Variants in TMTC1 observed in about 807,000 individuals in gnomAD.
TMTC1 encodes the protein protein O-mannosyl-transferase TMTC1.
Under a neutral mutation model 104.8 loss-of-function variants are expected in TMTC1, and 73 were observed. The observed-to-expected ratio is 0.70, with a 90% confidence interval of 0.58 to 0.85. The LOEUF (loss-of-function observed/expected upper bound fraction) is 0.85. Ranked by LOEUF, TMTC1 falls within the 40% of genes least tolerant of loss-of-function variation. TMTC1 has a pLI of 0.00. For missense variants in TMTC1, 1,035 were observed against 1,096.1 expected (o/e 0.94, Z 0.79); for synonymous variants, 434 against 428.7 (o/e 1.01, Z -0.15).
chr12:29,588,287 C>G (rs1946193331), intron 7 of TMTC1, among the ~76,000 whole-genome samples: 2 of 152,214 alleles, frequency 1.3e-5, no homozygotes, highest in South Asian at 4.1e-4. Context: ...CCTCTTCTCA[C>G]TTCCACAACT....
chr12:29,734,399 G>A (rs537449613), intron 5 of TMTC1, among the ~76,000 whole-genome samples: 1 of 152,136 alleles, frequency 6.6e-6, no homozygotes, highest in African/African-American at 2.4e-5. Context: ...TAATATGGAT[G>A]AACTCCTGAC....
chr12:29,702,953 C>G (rs188701982), intron 5 of TMTC1, among the ~76,000 whole-genome samples: 5 of 151,974 alleles, frequency 3.3e-5, no homozygotes, highest in Admixed American at 6.5e-5. Context: ...AAGACCAGAC[C>G]GGGCAACATG....
chr12:29,746,993 G>A (rs2136959203), intron 5 of TMTC1, among the ~76,000 whole-genome samples: 1 of 152,246 alleles, frequency 6.6e-6, no homozygotes, highest in East Asian at 1.9e-4. Context: ...ATGAATGAAT[G>A]ATCCATAATA....
intron 16 of TMTC1, among the ~76,000 whole-genome samples, chr12:29,513,279 C>G (rs1943890417): frequency 6.6e-6 from 1 of 152,026 alleles, no homozygotes; most frequent in African/African-American, 2.4e-5. Context: ...GAATCATGCA[C>G]AGAGTGATAA....
intron 5 of TMTC1, among the ~76,000 whole-genome samples, chr12:29,667,465 A>G (rs1940329078): frequency 6.6e-6 from 1 of 152,192 alleles, no homozygotes; most frequent in South Asian, 2.1e-4. Flanking sequence ...TCATATATTA[A>G]ACGGTGAAAA....
chr12:29,560,069 C>T (rs1197091706), intron 9 of TMTC1, among the ~76,000 whole-genome samples: 4 of 152,152 alleles, frequency 2.6e-5, no homozygotes, highest in East Asian at 1.9e-4. Context: ...CTGATCTCTC[C>T]AGGAAGGGAA....
At position 29,660,046 on chromosome 12, in the gene TMTC1, C is replaced by T. The variant is rs989367657; in HGVS notation, c.939-26710G>A. 3 of 1,255,044 alleles carry T rather than the reference C, an allele frequency of 2.4e-6. No homozygotes were observed. The African/African-American group carries it at 4.5e-5, about 19-fold the overall frequency. 77.7% of individuals were successfully genotyped at this position (1,255,044 alleles called of 1,614,324 possible). ...ATAATCTCCACCCTTTTTGCAGGTG[C>T]ATTCTGTTCCTCTAACAGGGAATGA... On this transcript the variant is annotated intron_variant, in intron 5 of 17. Transcript: ENST00000539277.
chr12:29,537,083 G>T (rs902577292), intron 10 of TMTC1, among the ~76,000 whole-genome samples: 2 of 152,200 alleles, frequency 1.3e-5, no homozygotes, highest in East Asian at 1.9e-4. Flanking sequence ...TATCTTTGGG[G>T]CCAAAAATGT....
intron 9 of TMTC1, chr12:29,568,627 AAT>A (rs1403380777): frequency 1.7e-5 from 3 of 179,358 alleles, no homozygotes; most frequent in Non-Finnish European, 3.6e-5. Context: ...TTCAGGGTAA[AAT>A]AAAATACTCA....
intron 10 of TMTC1, among the ~76,000 whole-genome samples, chr12:29,550,454 G>T (rs1293235906): frequency 2.6e-5 from 4 of 152,094 alleles, no homozygotes; most frequent in African/African-American, 4.8e-5. Flanking sequence ...TTAATAGAAG[G>T]CAACTGAGCA....
intron 15 of TMTC1, 139 bp from the exon 16 acceptor site, chr12:29,514,743 G>A: frequency 2.1e-6 from 2 of 939,346 alleles, no homozygotes; most frequent in East Asian, 5.4e-5. Context: ...TCTTGGTCAG[G>A]CGTAGTGGCT....
chr12:29,728,137 C>G (rs942633933), intron 5 of TMTC1, among the ~76,000 whole-genome samples: 4 of 152,166 alleles, frequency 2.6e-5, no homozygotes, highest in African/African-American at 9.7e-5. Flanking sequence ...AATGTAGTAT[C>G]TTAAGCATCA....
At chr12:29,690,881 T>G (rs571242266) in intron 5 of TMTC1, among the ~76,000 whole-genome samples, 11 of 152,318 alleles carry the variant, frequency 7.2e-5, no homozygotes, top group African/African-American at 2.6e-4. Flanking sequence ...AAATTATAAC[T>G]GAGGAAATTA....
chr12:29,734,399 G>T (rs537449613), intron 5 of TMTC1, among the ~76,000 whole-genome samples: 1 of 152,254 alleles, frequency 6.6e-6, no homozygotes, highest in East Asian at 1.9e-4. Flanking sequence ...TAATATGGAT[G>T]AACTCCTGAC....
chr12:29,743,034 T>C (rs896318459), intron 5 of TMTC1, among the ~76,000 whole-genome samples: 8 of 152,234 alleles, frequency 5.3e-5, no homozygotes, highest in African/African-American at 1.9e-4. Context: ...AGTTAAATCC[T>C]AGCACTACCA....
chr12:29,734,514 A>C (rs964577955), intron 5 of TMTC1, among the ~76,000 whole-genome samples: 25 of 152,352 alleles, frequency 1.6e-4, no homozygotes, highest in African/African-American at 5.5e-4. Flanking sequence ...CATAAGCCAG[A>C]CGATCATAAG....
Position 29,560,538 on chromosome 12 carries a change from C to T in TMTC1, c.1533-3538G>A, listed in dbSNP as rs75791356. On this transcript the variant is annotated intron_variant, in intron 9 of 17. Coordinates refer to ENST00000539277, the MANE Select transcript of TMTC1 (RefSeq NM_001193451.2). ...CTTTGGGAGGTCAAGGCTGGCAGAT[C>T]GCTTGAACTCGGCAGTTTGAGACCA... Among the ~76,000 whole-genome samples, 1,024 of 151,994 alleles carry T rather than the reference C, an allele frequency of 6.7e-3. 21 individuals carry two copies. The highest frequency in any genetic ancestry group is 0.054 in the East Asian group (278 of 5,152).
intron 7 of TMTC1, among the ~76,000 whole-genome samples, chr12:29,590,334 T>C (rs1249280483): frequency 1.3e-5 from 2 of 152,346 alleles, no homozygotes; most frequent in African/African-American, 4.8e-5. Flanking sequence ...CAAGTGGCTA[T>C]AAAGTATCCT....
chr12:29,681,115 A>G (rs185332231), intron 5 of TMTC1, among the ~76,000 whole-genome samples: 3,341 of 147,018 alleles, frequency 0.023, 73 homozygotes, highest in Admixed American at 0.052. Context: ...AAAAAAAAAA[A>G]AAAGAAACAA....
Sources: gnomAD v4.1 joint callset for allele counts (sites outside exome capture counted in the v4.1 genomes callset) on GRCh38, gnomAD v4.1.1 for gene constraint, MANE v1.5 for transcripts, NCBI Gene and HGNC (gene_info 2026-07-23, HGNC 2026-07-21) for gene names.